The following RBFOX1 variants were observed in gnomAD, a reference collection of about 807,000 sequenced individuals.
The protein encoded by RBFOX1 is RNA binding protein fox-1 homolog 1.
RBFOX1 carries 8 observed loss-of-function variants against 57.7 expected under a neutral mutation model. The ratio of observed to expected loss-of-function variants is 0.14; its 90% CI spans 0.08 to 0.25. RBFOX1 has a LOEUF of 0.25. Among genes scored for constraint, RBFOX1 ranks in the 10% least tolerant of loss-of-function variants. RBFOX1 has a pLI of 1.00. For missense variants in RBFOX1, 611 were observed against 548.5 expected (o/e 1.11, Z -1.14); for synonymous variants, 326 against 222.4 (o/e 1.47, Z -4.15).
intron 2 of RBFOX1, among the ~76,000 whole-genome samples, chr16:6,617,200 G>T (rs990211948): frequency 6.6e-6 from 1 of 151,720 alleles, no homozygotes; most frequent in South Asian, 2.1e-4. Context: ...TCTGTATAGG[G>T]TTCAGTGAAA....
chr16:5,547,183 A>G (rs74463123), intron 2 of RBFOX1, among the ~76,000 whole-genome samples: 3 of 152,178 alleles, frequency 2.0e-5, no homozygotes, highest in Admixed American at 6.5e-5. Flanking sequence ...ACTTTGAAAA[A>G]CAGTTTGACA....
intron 1 of RBFOX1, among the ~76,000 whole-genome samples, chr16:5,395,803 G>C (rs2066536942): frequency 6.6e-6 from 1 of 152,258 alleles, no homozygotes; most frequent in African/African-American, 2.4e-5. Flanking sequence ...CATCTGTGGA[G>C]TATGCGGCCA....
At chr16:6,720,739 G>C (rs991945379) in intron 3 of RBFOX1, among the ~76,000 whole-genome samples, 1 of 152,202 alleles carries the variant, frequency 6.6e-6, no homozygotes, top group Non-Finnish European at 1.5e-5. Context: ...TTGGAAACAT[G>C]AGCTTCATTT....
chr16:6,637,085 AATAC>A (rs1485224848), intron 2 of RBFOX1, among the ~76,000 whole-genome samples: 1 of 49,514 alleles, frequency 2.0e-5, no homozygotes, highest in African/African-American at 5.1e-5. Flanking sequence ...TAATATATAT[AATAC>A]ATATTAAATA....
At chr16:7,233,174 C>G (rs141458909) in intron 4 of RBFOX1, among the ~76,000 whole-genome samples, 1 of 151,892 alleles carries the variant, frequency 6.6e-6, no homozygotes, top group Non-Finnish European at 1.5e-5. Flanking sequence ...TCATATAAAG[C>G]CCTGGAAGTC....
intron 3 of RBFOX1, among the ~76,000 whole-genome samples, chr16:6,978,008 TTG>T (rs1169210048): frequency 6.6e-6 from 1 of 150,568 alleles, no homozygotes; most frequent in East Asian, 2.0e-4. Flanking sequence ...CTCAGCATTC[TTG>T]TGTGTTTATT....
intron 4 of RBFOX1, among the ~76,000 whole-genome samples, chr16:7,175,755 A>G (rs1400096169): frequency 1.3e-5 from 2 of 152,100 alleles, no homozygotes; most frequent in Non-Finnish European, 2.9e-5. Context: ...CATTTTTTTG[A>G]TAAAATGTCT....
At chr16:5,664,027 G>A (rs1019713521) in intron 3 of RBFOX1, among the ~76,000 whole-genome samples, 3 of 152,264 alleles carry the variant, frequency 2.0e-5, no homozygotes, top group Admixed American at 6.5e-5. Context: ...CCCCACACAT[G>A]GAGGAGACAG....
chr16:5,277,179 C>T (rs768426976), intron 1 of RBFOX1, among the ~76,000 whole-genome samples: 5 of 151,970 alleles, frequency 3.3e-5, no homozygotes, highest in African/African-American at 4.8e-5. Flanking sequence ...AGTTGGAGAG[C>T]ATTATTCTAA....
intron 1 of RBFOX1, among the ~76,000 whole-genome samples, chr16:6,033,702 A>C (rs1477909688): frequency 2.0e-5 from 3 of 152,080 alleles, no homozygotes; most frequent in Non-Finnish European, 4.4e-5. Flanking sequence ...CTTTTGATGG[A>C]TATTTATGTT....
At chr16:5,839,628 C>T (rs370951360) in intron 3 of RBFOX1, among the ~76,000 whole-genome samples, 29 of 152,236 alleles carry the variant, frequency 1.9e-4, no homozygotes, top group East Asian at 1.4e-3. Flanking sequence ...CAGGTGGTTC[C>T]GGGACTAGTT....
intron 4 of RBFOX1, among the ~76,000 whole-genome samples, chr16:7,244,619 T>A (rs551324802): frequency 2.6e-5 from 4 of 152,344 alleles, no homozygotes; most frequent in Admixed American, 1.3e-4. Flanking sequence ...GGGCTCGAGT[T>A]AGATTCAGTA....
chr16:6,371,936 G>C (rs754479055), intron 2 of RBFOX1, among the ~76,000 whole-genome samples: 1 of 152,180 alleles, frequency 6.6e-6, no homozygotes, highest in Non-Finnish European at 1.5e-5. Context: ...CTTCAGAAGA[G>C]AGACTTCATA....
intron 1 of RBFOX1, among the ~76,000 whole-genome samples, chr16:6,157,949 C>T (rs1388146278): frequency 6.6e-6 from 1 of 152,080 alleles, no homozygotes; most frequent in East Asian, 1.9e-4. Flanking sequence ...ATGTTGATTC[C>T]TAAACTAATT....
chr16:6,674,942 G>A (rs2057362194), intron 3 of RBFOX1, among the ~76,000 whole-genome samples: 1 of 152,076 alleles, frequency 6.6e-6, no homozygotes, highest in Non-Finnish European at 1.5e-5. Context: ...GTCTCACTGT[G>A]TCACCCAGGC....
chr16:5,992,961 A>AT lies in RBFOX1; in HGVS notation c.351+125627dup, dbSNP rs2152321089. On this transcript the variant is annotated intron_variant, in intron 4 of 19. Transcript: ENST00000641259. ...CAAAAGAAAGAAAAAAAAGATTTGC[A>AT]TGACAGTGGCAGACATCTGCCGACT... Among the ~76,000 whole-genome samples the AT allele has an allele frequency of 1.3e-5, 2 of 152,240 alleles. 1 individual carries two copies. The highest frequency in any genetic ancestry group is 1.3e-4 in the Admixed American group (2 of 15,298).
intron 3 of RBFOX1, among the ~76,000 whole-genome samples, chr16:6,818,457 C>T (rs1035995207): frequency 2.0e-5 from 3 of 152,042 alleles, no homozygotes; most frequent in African/African-American, 7.2e-5. Flanking sequence ...TTATTGAATG[C>T]CAGTGAGAGT....
At chr16:5,346,679 T>C (rs972921817) in intron 1 of RBFOX1, among the ~76,000 whole-genome samples, 6 of 151,856 alleles carry the variant, frequency 4.0e-5, no homozygotes, top group African/African-American at 1.5e-4. Flanking sequence ...GGGAGTGGAG[T>C]GAGATGAAAC....
intron 1 of RBFOX1, among the ~76,000 whole-genome samples, chr16:6,214,675 GA>G: frequency 8.0e-6 from 1 of 125,234 alleles, no homozygotes; most frequent in Non-Finnish European, 1.7e-5. Context: ...GAGAGAGGGA[GA>G]AGGGGAGAGG....
Sources: allele counts gnomAD v4.1 joint callset (sites outside exome capture counted in the v4.1 genomes callset), GRCh38; gene constraint gnomAD v4.1.1; transcripts MANE v1.5; gene names NCBI Gene and HGNC (gene_info 2026-07-23, HGNC 2026-07-21).